Variants in GOLGA5 observed in about 807,000 individuals in gnomAD.
GOLGA5 encodes the protein golgin subfamily A member 5.
GOLGA5 carries 50 observed loss-of-function variants against 93.5 expected under a neutral mutation model. The observed-to-expected ratio is 0.53, with a 90% CI of 0.43 to 0.68. The LOEUF is 0.68. Ranked by LOEUF, GOLGA5 falls within the 30% of genes least tolerant of loss-of-function variation. GOLGA5 has a pLI of 0.00. For missense variants in GOLGA5, 760 were observed against 856.4 expected (o/e 0.89, Z 1.40); for synonymous variants, 312 against 304.5 (o/e 1.02, Z -0.26).
Position 92,832,762 on chromosome 14 carries a change from C to G in GOLGA5, c.1720-360C>G, listed in dbSNP as rs1050807262. 1.6e-3 allele frequency among the ~76,000 whole-genome samples: 239 copies of G among 152,292 alleles called. 1 individual carries two copies. Among genetic ancestry groups the G allele is most frequent in the African/African-American group, 5.5e-3 (227 of 41,562 alleles). On this transcript the variant is annotated intron_variant, in intron 9 of 12. Transcript: ENST00000163416. ...TCCTCTAAACCCATGCTTTGAAATA[C>G]TTTGACCATGACGCCTCAGTGAGAA... is the stretch of plus-strand genomic sequence containing the variant.
intron 2 of GOLGA5, among the ~76,000 whole-genome samples, chr14:92,799,065 T>G (rs1884802918): frequency 6.6e-6 from 1 of 152,082 alleles, no homozygotes; most frequent in Admixed American, 6.6e-5. Flanking sequence ...CTCCCCAGGC[T>G]CAAGCGATCC....
intron 9 of GOLGA5, among the ~76,000 whole-genome samples, chr14:92,826,286 T>C (rs945558837): frequency 2.0e-4 from 19 of 96,664 alleles, no homozygotes; most frequent in Non-Finnish European, 2.9e-4. Context: ...TCTTAATACA[T>C]TGCCAAAAAA....
chr14:92,816,377 C>T lies in GOLGA5; in HGVS notation c.1447C>T (p.Gln483Ter), dbSNP rs1027821918. The change falls in exon 7 of 13, where the codon CAG becomes TAG. Residue 483 changes from glutamine to a stop codon, truncating the protein, a stop_gained. Transcript: ENST00000163416. LOFTEE classifies it high-confidence loss of function. ...HEKEMQREEI[Q>*]KLMGQIHQLR... ...GAAAGAGATGCAGAGGGAGGAAATA[C>T]AGAAGCTGATGGGCCAGATACATCA... 1.2e-6 allele frequency: 2 copies of T among 1,614,056 alleles called. No individual in the cohort carries two copies. Among genetic ancestry groups the T allele is most frequent in the Admixed American group, 3.3e-5 (2 of 60,018 alleles).
intron 9 of GOLGA5, among the ~76,000 whole-genome samples, chr14:92,830,947 T>A (rs904494122): frequency 6.6e-6 from 1 of 152,202 alleles, no homozygotes; most frequent in African/African-American, 2.4e-5. Flanking sequence ...TTCGTGTGAC[T>A]GACTTTATTG....
chr14:92,836,428 G>A (rs940122608), intron 11 of GOLGA5, among the ~76,000 whole-genome samples: 5 of 152,072 alleles, frequency 3.3e-5, no homozygotes, highest in Admixed American at 3.3e-4. Context: ...AGCACATCTA[G>A]TTCAACTATT....
At position 92,824,593 on chromosome 14, in the gene GOLGA5, G is replaced by C. The variant is rs183909467; in HGVS notation, c.1668G>C (p.Leu556Phe). The C allele has an allele frequency of 6.3e-4, 1,010 of 1,606,018 alleles. 5 individuals are homozygous for C. In the East Asian group the frequency reaches 0.019, roughly 30 times the overall value. Residue 556 changes from leucine (L) to phenylalanine (F), a missense_variant, in exon 9 of 13, where the codon TTG becomes TTC. Coordinates refer to ENST00000163416, the MANE Select transcript of GOLGA5 (RefSeq NM_005113.4). ...ATCTTTATCGAACAAAGAACACATT[G>C]CAAAGCAGAATTAAAGATCGAGACG... Reference protein sequence around the residue: ...EEDLYRTKNTLQSRIKDRDEE... With the variant: ...EEDLYRTKNTFQSRIKDRDEE...
Position 92,796,843 on chromosome 14 carries a change from G to T in GOLGA5, c.-30-565G>T, listed in dbSNP as rs939466195. ...AAATTAGCCGGGCGCGGTGGCGGGT[G>T]CCTGTAGTCCCAGCTACTCGGGAGG... On this transcript the variant is annotated intron_variant, in intron 1 of 12. Coordinates refer to ENST00000163416, the MANE Select transcript of GOLGA5 (RefSeq NM_005113.4). Among the ~76,000 whole-genome samples the T allele has an allele frequency of 1.1e-3, 79 of 71,454 alleles. 23 individuals carry two copies. The highest frequency in any genetic ancestry group is 5.6e-3 in the African/African-American group (78 of 13,844). The allele number at this position is 71,454 out of a possible 152,430, so 46.9% of individuals were successfully genotyped here. A position where few individuals can be genotyped will look rare whatever the true frequency, so the allele number is the denominator to read the frequency against.
chr14:92,825,936 C>A (rs1218235955), intron 9 of GOLGA5, among the ~76,000 whole-genome samples: 2 of 151,422 alleles, frequency 1.3e-5, no homozygotes, highest in African/African-American at 4.9e-5. Flanking sequence ...AGGGAGATCA[C>A]TTGAGGTCAG....
At position 92,810,393 on chromosome 14, in the gene GOLGA5, A is replaced by G. The variant is rs781218797; in HGVS notation, c.1116+16A>G. Reference sequence around the variant, plus strand: ...ACAGATGCAGGTTAGAATGAGAGACAGCAGATTCCTATTGTTACTTGGACA... The same window carrying G: ...ACAGATGCAGGTTAGAATGAGAGACGGCAGATTCCTATTGTTACTTGGACA... On this transcript the variant is annotated intron_variant, in intron 5 of 12. Transcript: ENST00000163416. 1 of 1,537,304 alleles carries G rather than the reference A, an allele frequency of 6.5e-7. No individual in the cohort carries two copies.
Position 92,816,257 on chromosome 14 carries a change from GA to G in GOLGA5, c.1332del (p.Lys444AsnfsTer2). 1 of 1,609,486 alleles carries G rather than the reference GA, an allele frequency of 6.2e-7. No homozygotes were observed. The highest frequency in any genetic ancestry group is 8.5e-7 in the Non-Finnish European group (1 of 1,176,656). ...QKATRILQSK[E>X]KLINSLKEGS... The stretch of plus-strand genomic sequence containing the variant: ...ATTTCTTCTTTTATAATAGTCTAAG[GA>G]AAAATTGATTAACAGCTTGAAAGAA... On this transcript the variant is annotated frameshift_variant, in exon 7 of 13. Coordinates refer to ENST00000163416, the MANE Select transcript of GOLGA5 (RefSeq NM_005113.4). LOFTEE classifies it high-confidence loss of function.
At chr14:92,807,048 C>T in intron 3 of GOLGA5, 85 bp downstream of exon 3, 1 of 930,480 alleles carries the variant, frequency 1.1e-6, no homozygotes, top group Non-Finnish European at 1.7e-6. Context: ...GCCTGTAATC[C>T]CAGCACTTTG....
At position 92,810,098 on chromosome 14, in the gene GOLGA5, G is replaced by A. The variant is rs376715654; in HGVS notation, c.993-156G>A. Among the ~76,000 whole-genome samples the A allele has an allele frequency of 2.6e-4, 40 of 152,324 alleles. No individual in the cohort carries two copies. In the South Asian group the frequency reaches 8.1e-3, roughly 31 times the overall value. On this transcript the variant is annotated intron_variant, in intron 4 of 12. Transcript: ENST00000163416. ...TAATATTTGGATGCCTAAAAATGTAGATTATGTTCCATTAGAAAGGAAAGA... is the reference window on the plus strand; with the variant it reads ...TAATATTTGGATGCCTAAAAATGTAAATTATGTTCCATTAGAAAGGAAAGA...
intron 7 of GOLGA5, among the ~76,000 whole-genome samples, chr14:92,818,043 A>T (rs1885245204): frequency 6.6e-6 from 1 of 152,180 alleles, no homozygotes; most frequent in Non-Finnish European, 1.5e-5. Flanking sequence ...TTGAATTCCA[A>T]AGAATTCAGT....
intron 9 of GOLGA5, among the ~76,000 whole-genome samples, chr14:92,826,086 T>C (rs185488323): frequency 1.3e-5 from 2 of 152,200 alleles, no homozygotes; most frequent in Admixed American, 1.3e-4. Context: ...GCCTAGGAGT[T>C]CAAGGCTGCA....
At chr14:92,832,799 A>G (rs1440551314) in intron 9 of GOLGA5, among the ~76,000 whole-genome samples, 1 of 152,244 alleles carries the variant, frequency 6.6e-6, no homozygotes, top group African/African-American at 2.4e-5. Flanking sequence ...AACAGTTTAC[A>G]TCGTGTCTCA....
intron 7 of GOLGA5, 82 bp downstream of exon 7, chr14:92,816,503 C>T: frequency 1.7e-6 from 2 of 1,146,092 alleles, no homozygotes; most frequent in Non-Finnish European, 2.6e-6. Context: ...AACAGCATTA[C>T]TAAAGCGATA....
chr14:92,816,395 A>G lies in GOLGA5; in HGVS notation c.1465A>G (p.Ile489Val). The G allele has an allele frequency of 1.2e-6, 2 of 1,613,972 alleles. No homozygotes were observed. The highest frequency in any genetic ancestry group is 1.3e-5 in the African/African-American group (1 of 75,046). The change falls in exon 7 of 13, where the codon ATA (isoleucine) becomes GTA (valine). Residue 489 changes from isoleucine (I) to valine (V), a missense_variant. By Grantham distance (29) the Ile-to-Val change is conservative. Transcript: ENST00000163416. ...REEIQKLMGQ[I>V]HQLRSELQDM... ...GGAAATACAGAAGCTGATGGGCCAGATACATCAGCTCAGATCCGAATTACA... is the reference window on the plus strand; with the variant it reads ...GGAAATACAGAAGCTGATGGGCCAGGTACATCAGCTCAGATCCGAATTACA...
At chr14:92,839,088 A>G (rs901874918) in intron 12 of GOLGA5, among the ~76,000 whole-genome samples, 1 of 152,098 alleles carries the variant, frequency 6.6e-6, no homozygotes, top group African/African-American at 2.4e-5. Flanking sequence ...AGTTTTAATC[A>G]CTCTGCATTA....
At chr14:92,816,527 TCTTCGCTTCG>T (rs57383293) in intron 7 of GOLGA5, 106 bp downstream of exon 7, 13 of 691,160 alleles carry the variant, frequency 1.9e-5, no homozygotes, top group African/African-American at 3.6e-5. Flanking sequence ...TTCTCGCTTC[TCTTCGCTTCG>T]CTTCGCTTCT....
Sources: allele counts gnomAD v4.1 joint callset (sites outside exome capture counted in the v4.1 genomes callset), GRCh38; gene constraint gnomAD v4.1.1; transcripts MANE v1.5; gene names NCBI Gene and HGNC (gene_info 2026-07-23, HGNC 2026-07-21).